TRMT11: variants seen among roughly 807,000 people sequenced by gnomAD.
The protein encoded by TRMT11 is tRNA (guanine(10)-N(2))-methyltransferase TRMT11.
Under a neutral mutation model 62.8 loss-of-function variants are expected in TRMT11, and 53 were observed. That is an observed-to-expected ratio of 0.84 (90% CI 0.68 to 1.06). The LOEUF (loss-of-function observed/expected upper bound fraction) is 1.06. Among genes scored for constraint, TRMT11 ranks in the 50% least tolerant of loss-of-function variants. The pLI is 0.00. For missense variants in TRMT11, 556 were observed against 553.4 expected, an observed-to-expected ratio of 1.00 and a Z score of -0.05; for synonymous variants, 188 against 190.3, an observed-to-expected ratio of 0.99 and a Z score of 0.10.
At chr6:126,104,035 T>G (rs1583875824) in intron 17 of TRMT11, among the ~76,000 whole-genome samples, 1 of 152,154 alleles carries the variant, frequency 6.6e-6, no homozygotes. Flanking sequence ...TATATTTCAC[T>G]TAGGAAATTA....
the TRMT11 span, among the ~76,000 whole-genome samples, chr6:126,232,982 T>C: frequency 2.0e-5 from 3 of 152,208 alleles, no homozygotes; most frequent in African/African-American, 7.2e-5. Context: ...ATGACACTTA[T>C]TGCTTCATAA....
At chr6:126,147,907 G>T (rs568672054) in intron 21 of TRMT11, among the ~76,000 whole-genome samples, 12 of 152,130 alleles carry the variant, frequency 7.9e-5, no homozygotes, top group African/African-American at 2.9e-4. Flanking sequence ...GGGGGTAGGG[G>T]GCTAGGGAAG....
At chr6:126,011,473 CATTTA>C in intron 9 of TRMT11, 56 bp downstream of exon 9, 7 of 1,474,324 alleles carry the variant, frequency 4.7e-6, no homozygotes, top group Non-Finnish European at 6.5e-6. Flanking sequence ...AAATCATTTA[CATTTA>C]AAGTACAAAA....
At chr6:126,221,704 T>G in the TRMT11 span, among the ~76,000 whole-genome samples, 1 of 152,216 alleles carries the variant, frequency 6.6e-6, no homozygotes, top group Non-Finnish European at 1.5e-5. Context: ...AATTGTCTGT[T>G]TACTCTGTTT....
At chr6:126,066,020 A>C (rs1363295649) in intron 17 of TRMT11, among the ~76,000 whole-genome samples, 1 of 152,222 alleles carries the variant, frequency 6.6e-6, no homozygotes, top group Non-Finnish European at 1.5e-5. Context: ...TTACATTTGC[A>C]TGGGAGCAGA....
chr6:126,012,966 G>A lies in TRMT11; in HGVS notation c.1008-4G>A. The A allele has an allele frequency of 6.2e-7, 1 of 1,610,582 alleles. No homozygotes were observed. Among genetic ancestry groups the A allele is most frequent in the Non-Finnish European group, 8.5e-7 (1 of 1,177,966 alleles). On this transcript the variant is annotated splice_region_variant and splice_polypyrimidine_tract_variant and intron_variant, in intron 10 of 12. Transcript: ENST00000334379. ...GATTTTGAAATTTTCTTTTCTTTGT[G>A]TAGTCCAGAAAGCCATGTTCCTGTT...
At chr6:126,010,495 G>A (rs1297644864) in intron 8 of TRMT11, among the ~76,000 whole-genome samples, 1 of 151,916 alleles carries the variant, frequency 6.6e-6, no homozygotes, top group Non-Finnish European at 1.5e-5. Context: ...CCTCCTAAGT[G>A]AACAAAAAGA....
At chr6:126,005,047 T>C (rs573565667) in intron 7 of TRMT11, among the ~76,000 whole-genome samples, 1 of 152,174 alleles carries the variant, frequency 6.6e-6, no homozygotes, top group African/African-American at 2.4e-5. Context: ...GTGTCATCTC[T>C]TAGTTGTTAG....
intron 17 of TRMT11, among the ~76,000 whole-genome samples, chr6:126,094,060 A>G (rs1245568688): frequency 6.6e-6 from 1 of 152,036 alleles, no homozygotes; most frequent in Non-Finnish European, 1.5e-5. Context: ...ATTCATGATT[A>G]TCTAAGCCAA....
rs1365828979 is a variant in TRMT11 at position 126,136,838 on chromosome 6, C to T, written c.*1823+20983C>T. Among the ~76,000 whole-genome samples, 4 of 151,576 alleles carry T rather than the reference C, an allele frequency of 2.6e-5. No homozygotes were observed. In the East Asian group the frequency reaches 7.8e-4, roughly 29 times the overall value. ...CCCCAGAAGTAAGTGCATGTATTTA[C>T]AGTCAACTCATATTTGACAAAGGCA... On this transcript the variant is annotated intron_variant and NMD_transcript_variant, in intron 21 of 22. Coordinates refer to the TRMT11 transcript ENST00000648977.
At chr6:126,044,866 G>C (rs1468602504) in intron 16 of TRMT11, among the ~76,000 whole-genome samples, 1 of 151,672 alleles carries the variant, frequency 6.6e-6, no homozygotes, top group Non-Finnish European at 1.5e-5. Context: ...TGGGACTTGG[G>C]TATAAGGAAG....
At chr6:126,204,024 C>G (rs925188598), downstream of TRMT11, among the ~76,000 whole-genome samples, 21 of 151,486 alleles carry the variant, frequency 1.4e-4, no homozygotes, top group Admixed American at 1.4e-3. Context: ...AACCAACTAA[C>G]CAGGCAAAAA....
the TRMT11 span, among the ~76,000 whole-genome samples, chr6:126,253,253 G>A: frequency 6.6e-6 from 1 of 152,138 alleles, no homozygotes; most frequent in African/African-American, 2.4e-5. Context: ...TGCTCATCTT[G>A]TCCCACAGGA....
chr6:126,158,504 A>G (rs1483837882), intron 21 of TRMT11, among the ~76,000 whole-genome samples: 4 of 152,130 alleles, frequency 2.6e-5, no homozygotes, highest in Non-Finnish European at 4.4e-5. Flanking sequence ...GAGGCCAACA[A>G]TTGTTGATGT....
intron 16 of TRMT11, among the ~76,000 whole-genome samples, chr6:126,050,157 C>T (rs1342237024): frequency 1.3e-5 from 2 of 151,414 alleles, no homozygotes; most frequent in Non-Finnish European, 2.9e-5. Context: ...GATGAAACAC[C>T]ATCTCTACTA....
intron 7 of TRMT11, among the ~76,000 whole-genome samples, chr6:126,005,902 T>C (rs897507159): frequency 1.2e-4 from 18 of 151,970 alleles, no homozygotes; most frequent in Non-Finnish European, 1.5e-4. Flanking sequence ...AAGACTAATG[T>C]ATACTCCTTG....
At chr6:126,051,713 A>G (rs1776223837) in intron 16 of TRMT11, among the ~76,000 whole-genome samples, 1 of 152,168 alleles carries the variant, frequency 6.6e-6, no homozygotes, top group East Asian at 1.9e-4. Flanking sequence ...CTGAGATTCC[A>G]GCTAGGGCAC....
chr6:126,240,083 C>T, the TRMT11 span, among the ~76,000 whole-genome samples: 1 of 152,118 alleles, frequency 6.6e-6, no homozygotes, highest in Non-Finnish European at 1.5e-5. Context: ...ACTTCTCTGG[C>T]ATTGGTTATT....
intron 17 of TRMT11, among the ~76,000 whole-genome samples, chr6:126,102,006 G>T (rs568261725): frequency 6.6e-6 from 1 of 152,320 alleles, no homozygotes; most frequent in South Asian, 2.1e-4. Flanking sequence ...ACTCACATAT[G>T]CCTCATGTTT....
Sources: allele counts gnomAD v4.1 joint callset (sites outside exome capture counted in the v4.1 genomes callset), GRCh38; gene constraint gnomAD v4.1.1; transcripts MANE v1.5; gene names NCBI Gene and HGNC (gene_info 2026-07-23, HGNC 2026-07-21).